Variants in SIPA1L3 observed in about 807,000 individuals in gnomAD.
SIPA1L3 encodes signal-induced proliferation-associated 1-like protein 3.
A neutral mutation model predicts 150.1 loss-of-function variants in SIPA1L3; 59 were observed. That is an observed-to-expected ratio of 0.39 (90% CI 0.32 to 0.49). SIPA1L3 has a LOEUF of 0.49. SIPA1L3 is among the 20% of genes least tolerant of loss of function. The pLI, the probability that SIPA1L3 is intolerant of heterozygous loss-of-function variation, is 0.86. For synonymous variants in SIPA1L3, 1,070 were observed against 1,077.6 expected (o/e 0.99, Z 0.14); for missense variants, 2,211 against 2,489.5 (o/e 0.89, Z 2.38).
intron 21 of SIPA1L3, among the ~76,000 whole-genome samples, chr19:38,205,893 G>A (rs1283347580): frequency 6.6e-6 from 1 of 152,238 alleles, no homozygotes; most frequent in African/African-American, 2.4e-5. Flanking sequence ...TCAGCCTCCT[G>A]GTAGAGTTGC....
chr19:38,082,452 C>T lies in SIPA1L3; in HGVS notation c.887C>T (p.Thr296Met), dbSNP rs749063376. 3.8e-6 allele frequency: 6 copies of T among 1,589,226 alleles called. No individual in the cohort carries two copies. The highest frequency in any genetic ancestry group is 1.7e-4 in the Middle Eastern group (1 of 6,008). The part of the protein sequence containing the change: ...KPARGLGGGD[T>M]VDSSIFRKLR... ...GCGCGGGGCCTCGGCGGCGGGGACA[C>T]GGTGGACTCGTCCATCTTTCGGAAG... Residue 296 changes from threonine (T) to methionine (M), a missense_variant, in exon 3 of 22, where the codon ACG (threonine) becomes ATG (methionine). By Grantham distance (81) the Thr-to-Met change is moderately conservative. Around this residue, in one of 5 missense-constraint regions of SIPA1L3, gnomAD observed 587 missense variants for 534.5 expected, o/e 1.10. Transcript: ENST00000222345.
chr19:37,996,619 A>G (rs1967643166), intron 1 of SIPA1L3, among the ~76,000 whole-genome samples: 1 of 151,972 alleles, frequency 6.6e-6, no homozygotes, highest in Non-Finnish European at 1.5e-5. Flanking sequence ...TCTTGAACTT[A>G]TTTCTCTTGT....
chr19:38,201,088 C>T (rs1194818104), intron 19 of SIPA1L3, among the ~76,000 whole-genome samples: 1 of 152,228 alleles, frequency 6.6e-6, no homozygotes, highest in Non-Finnish European at 1.5e-5. Flanking sequence ...CCCTGCCCTG[C>T]CCCTGATGGT....
chr19:38,121,144 C>T (rs1173569355), intron 9 of SIPA1L3, among the ~76,000 whole-genome samples: 1 of 151,544 alleles, frequency 6.6e-6, no homozygotes, highest in African/African-American at 2.4e-5. Flanking sequence ...GAGTTTGAGA[C>T]CAGCCTGGGC....
At chr19:38,100,236 T>C (rs1203728946) in intron 5 of SIPA1L3, 86 bp downstream of exon 5, 3 of 1,085,766 alleles carry the variant, frequency 2.8e-6, no homozygotes, top group South Asian at 2.0e-5. Flanking sequence ...TTGGTCACTT[T>C]CTTTTTTCTT....
At chr19:38,084,439 CG>C (rs1183607678) in intron 3 of SIPA1L3, among the ~76,000 whole-genome samples, 2 of 151,480 alleles carry the variant, frequency 1.3e-5, no homozygotes, top group African/African-American at 4.9e-5. Flanking sequence ...CTCAGAAGCC[CG>C]GTCCAACTAC....
intron 6 of SIPA1L3, among the ~76,000 whole-genome samples, chr19:38,102,015 T>C (rs1056684483): frequency 7.9e-5 from 12 of 152,088 alleles, no homozygotes; most frequent in Non-Finnish European, 1.5e-4. Flanking sequence ...AATGATGTCT[T>C]TTACATAACA....
chr19:38,177,787 A>G (rs957394933), intron 15 of SIPA1L3, among the ~76,000 whole-genome samples: 2 of 152,140 alleles, frequency 1.3e-5, no homozygotes, highest in Non-Finnish European at 1.5e-5. Flanking sequence ...GCACCTTGGG[A>G]GGTCGAGGCA....
intron 2 of SIPA1L3, among the ~76,000 whole-genome samples, chr19:38,077,666 T>C (rs28412601): frequency 0.014 from 965 of 70,928 alleles, 24 homozygotes; most frequent in African/African-American, 0.02. Flanking sequence ...TTTTTCTTTT[T>C]TTTTTTTTTT....
chr19:38,163,229 C>T (rs1473562923), intron 14 of SIPA1L3, among the ~76,000 whole-genome samples: 5 of 152,178 alleles, frequency 3.3e-5, no homozygotes, highest in African/African-American at 1.2e-4. Context: ...GTGGCTCACG[C>T]CTATAATCCC....
chr19:37,927,651 TGG>T (rs775400516), intron 1 of SIPA1L3, among the ~76,000 whole-genome samples: 4 of 91,594 alleles, frequency 4.4e-5, no homozygotes, highest in East Asian at 3.2e-4. Context: ...AATAAGAACA[TGG>T]GGTGTGTGTG....
intron 4 of SIPA1L3, among the ~76,000 whole-genome samples, chr19:38,089,182 G>A (rs1171322097): frequency 6.6e-6 from 1 of 151,980 alleles, no homozygotes; most frequent in Non-Finnish European, 1.5e-5. Context: ...GCCAGGTGTG[G>A]TAGCACGCGC....
chr19:37,955,776 A>G (rs556195830), intron 1 of SIPA1L3, among the ~76,000 whole-genome samples: 3 of 152,348 alleles, frequency 2.0e-5, no homozygotes, highest in African/African-American at 4.8e-5. Flanking sequence ...TTCGTTAACC[A>G]TGAATGGATA....
At chr19:37,948,020 C>T (rs1331011045) in intron 1 of SIPA1L3, among the ~76,000 whole-genome samples, 1 of 152,206 alleles carries the variant, frequency 6.6e-6, no homozygotes, top group African/African-American at 2.4e-5. Flanking sequence ...GCCCCCTCCA[C>T]GGGGCCCTGG....
intron 1 of SIPA1L3, among the ~76,000 whole-genome samples, chr19:38,012,879 G>A (rs371457481): frequency 2.0e-5 from 3 of 152,108 alleles, no homozygotes; most frequent in African/African-American, 7.2e-5. Context: ...GGAAGTAAAC[G>A]AGAGGCCTCT....
At chr19:38,192,345 A>C in intron 17 of SIPA1L3, 35 bp downstream of exon 17, 1 of 1,548,192 alleles carries the variant, frequency 6.5e-7, no homozygotes, top group Non-Finnish European at 8.7e-7. Context: ...CCCGACCCCC[A>C]GCTCCCAAGG....
At chr19:37,940,918 T>C (rs1458328402) in intron 1 of SIPA1L3, among the ~76,000 whole-genome samples, 2 of 152,086 alleles carry the variant, frequency 1.3e-5, no homozygotes, top group Non-Finnish European at 2.9e-5. Flanking sequence ...GTTTATATGT[T>C]CAGAAAGGCC....
intron 18 of SIPA1L3, among the ~76,000 whole-genome samples, chr19:38,197,873 T>TC (rs11389860): frequency 0.23 from 25,622 of 111,774 alleles, 3,538 homozygotes; most frequent in African/African-American, 0.43. Flanking sequence ...TCCCCCCAAA[T>TC]CCCCCCCCAA....
intron 10 of SIPA1L3, among the ~76,000 whole-genome samples, chr19:38,136,968 A>C (rs1160120305): frequency 6.6e-6 from 1 of 152,208 alleles, no homozygotes; most frequent in Non-Finnish European, 1.5e-5. Flanking sequence ...CAACTGCATC[A>C]GCTCTGATTT....
Sources: allele counts gnomAD v4.1 joint callset (sites outside exome capture counted in the v4.1 genomes callset), GRCh38; gene constraint gnomAD v4.1.1; regional missense constraint gnomAD v4.1.1; transcripts MANE v1.5; gene names NCBI Gene and HGNC (gene_info 2026-07-23, HGNC 2026-07-21).